OVGP1: variants seen among roughly 807,000 people sequenced by gnomAD.
OVGP1 encodes oviductal glycoprotein 1.
Under a neutral mutation model 48.2 loss-of-function variants are expected in OVGP1, and 26 were observed. The ratio of observed to expected loss-of-function variants is 0.54; its 90% CI spans 0.40 to 0.75. The LOEUF (loss-of-function observed/expected upper bound fraction) is 0.75, where lower values mean the gene tolerates loss of function less well. OVGP1 is among the 30% of genes least tolerant of loss of function. The pLI, the probability that OVGP1 is intolerant of heterozygous loss-of-function variation, is 0.00. For synonymous variants in OVGP1, 294 were observed against 305.7 expected (o/e 0.96, Z 0.40); for missense variants, 791 against 820.6 (o/e 0.96, Z 0.44).
Position 111,415,386 on chromosome 1 carries a change from C to T in OVGP1, c.1157-42G>A, listed in dbSNP as rs749731487. ...GAAAAGAATGAGATTCCTACCACTT[C>T]ATTCTCATCCTATTAATTACTGGCA... On this transcript the variant is annotated intron_variant, in intron 10 of 10. Transcript: ENST00000369732. 18 of 1,543,362 alleles carry T rather than the reference C, an allele frequency of 1.2e-5. 1 individual carries two copies. The South Asian group carries it at 1.8e-4, about 16-fold the overall frequency.
At chr1:111,419,252 A>G (rs1379739822) in intron 9 of OVGP1, among the ~76,000 whole-genome samples, 1 of 152,164 alleles carries the variant, frequency 6.6e-6, no homozygotes, top group East Asian at 1.9e-4. Context: ...GCTACATGTC[A>G]GTAATATTTA....
chr1:111,426,645 G>A lies in OVGP1; in HGVS notation c.56-4C>T, dbSNP rs1652405363. On this transcript the variant is annotated splice_region_variant and splice_polypyrimidine_tract_variant and intron_variant, in intron 2 of 10. Transcript: ENST00000369732. Reference sequence around the variant, plus strand: ...CACACGAGTTTATGGGCAGCACCTGGTAAGGGAGAGCACACATTAGTTGGC... The same window carrying A: ...CACACGAGTTTATGGGCAGCACCTGATAAGGGAGAGCACACATTAGTTGGC... The A allele has an allele frequency of 6.2e-7, 1 of 1,613,126 alleles. No homozygotes were observed. The highest frequency in any genetic ancestry group is 2.2e-5 in the East Asian group (1 of 44,800).
intron 1 of OVGP1, 31 bp downstream of exon 1, chr1:111,427,666 G>A (rs1460218967): frequency 1.2e-6 from 2 of 1,611,892 alleles, no homozygotes; most frequent in Admixed American, 1.7e-5. Flanking sequence ...TTCCTGGACT[G>A]AGTGACACTG....
In OVGP1 at chr1:111,426,449, T is replaced by C. The variant is rs1652399401; in HGVS notation, c.248A>G (p.Lys83Arg). ...DEKILYPEFNKLKERNRELKT... is the reference protein window; with the variant it reads ...DEKILYPEFNRLKERNRELKT... ...AATATGAACACACCTCTCCTTTAGT[T>C]TGTTGAACTCTGGGTAGAGAATTTT... Residue 83 changes from lysine to arginine, a missense_variant, in exon 3 of 11, where the codon AAA (lysine) becomes AGA (arginine). Coordinates refer to ENST00000369732, the MANE Select transcript of OVGP1 (RefSeq NM_002557.4). The C allele has an allele frequency of 1.9e-6, 3 of 1,614,094 alleles. No individual in the cohort carries two copies. The highest frequency in any genetic ancestry group is 2.5e-6 in the Non-Finnish European group (3 of 1,179,988).
intron 8 of OVGP1, 137 bp downstream of exon 8, chr1:111,421,139 G>A: frequency 1.6e-6 from 1 of 637,726 alleles, no homozygotes; most frequent in Non-Finnish European, 2.5e-6. Context: ...CAGAGAGTGG[G>A]TTTCTCTTGT....
chr1:111,415,429 G>A (rs1432706017), intron 10 of OVGP1, 85 bp from the exon 11 acceptor site: 1 of 1,246,190 alleles, frequency 8.0e-7, no homozygotes, highest in Non-Finnish European at 1.1e-6. Context: ...AACCAATCCA[G>A]GGCTGAAGTA....
rs139813058 is a variant in OVGP1, at chr1:111,418,988, T to C, written c.1020+622A>G. 8.4e-4 allele frequency among the ~76,000 whole-genome samples: 128 copies of C among 152,244 alleles called. 1 individual carries two copies. Among genetic ancestry groups the C allele is most frequent in the African/African-American group, 2.8e-3 (115 of 41,550 alleles). The stretch of plus-strand genomic sequence containing the variant: ...CATGAAGGGAGGGTGGTGGTCATAG[T>C]TTGGCTCTAAAAGTTTGAAAATTAA... On this transcript the variant is annotated intron_variant, in intron 9 of 10. Transcript: ENST00000369732.
intron 4 of OVGP1, among the ~76,000 whole-genome samples, chr1:111,424,076 T>C (rs545605354): frequency 6.6e-6 from 1 of 152,354 alleles, no homozygotes; most frequent in African/African-American, 2.4e-5. Flanking sequence ...CTCTCTGTGC[T>C]GTCTCCTCAT....
At chr1:111,425,600 A>G in intron 3 of OVGP1, 161 bp from the exon 4 acceptor site, 5 of 1,304,430 alleles carry the variant, frequency 3.8e-6, no homozygotes, top group Non-Finnish European at 5.3e-6. Context: ...AGAGATGATG[A>G]GCACAGGAGA....
rs1044313428 is a variant in OVGP1 at position 111,416,360 on chromosome 1, G to C, written c.1119C>G (p.Pro373=). ...RGTFCGTGPF[P]LVYVLNDILV... ...GGATATCATTCAATACGTAGACAAG[G>C]GGGAAAGGGCCAGTGCCACAGAACG... is the stretch of plus-strand genomic sequence containing the variant. Residue 373 remains proline, a synonymous_variant, in exon 10 of 11, where the codon CCC becomes CCG. Transcript: ENST00000369732. The C allele has an allele frequency of 1.9e-6, 3 of 1,605,714 alleles. No homozygotes were observed. The highest frequency in any genetic ancestry group is 1.7e-4 in the Middle Eastern group (1 of 6,048).
At position 111,426,431 on chromosome 1, in the gene OVGP1, A is replaced by G; in HGVS notation, c.260+6T>C. The G allele has an allele frequency of 6.2e-7, 1 of 1,614,082 alleles. No homozygotes were observed. Among genetic ancestry groups the G allele is most frequent in the Non-Finnish European group, 8.5e-7 (1 of 1,179,986 alleles). ...AATACAACCCCCACATCCAATATGAACACACCTCTCCTTTAGTTTGTTGAA... is the reference window on the plus strand; with the variant it reads ...AATACAACCCCCACATCCAATATGAGCACACCTCTCCTTTAGTTTGTTGAA... On this transcript the variant is annotated splice_donor_region_variant and intron_variant, in intron 3 of 10. Transcript: ENST00000369732.
At chr1:111,427,509 C>A (rs1652426680) in intron 1 of OVGP1, 188 bp downstream of exon 1, 2 of 529,268 alleles carry the variant, frequency 3.8e-6, no homozygotes, top group Non-Finnish European at 4.8e-6. Flanking sequence ...GGTTTGAGAA[C>A]CACTGCTCTG....
rs1043982103 is a variant in OVGP1, at chr1:111,415,068, G to A, written c.1433C>T (p.Thr478Ile). 1 of 1,614,186 alleles carries A rather than the reference G, an allele frequency of 6.2e-7. No individual in the cohort carries two copies. The highest frequency in any genetic ancestry group is 2.2e-5 in the East Asian group (1 of 44,876). Reference sequence around the variant, plus strand: ...GGACTGATGACCCACAGAAGTCATGGTCATTGCCCCAGTGATCTCAGTCTT... The same window carrying A: ...GGACTGATGACCCACAGAAGTCATGATCATTGCCCCAGTGATCTCAGTCTT... ...GEKTEITGAM[T>I]MTSVGHQSMT... The change falls in exon 11 of 11, where the codon ACC (threonine) becomes ATC (isoleucine). Residue 478 changes from threonine (T) to isoleucine (I), a missense_variant. Transcript: ENST00000369732.
At chr1:111,422,873 CAA>C (rs1465326716) in intron 6 of OVGP1, 52 bp downstream of exon 6, 2 of 1,607,354 alleles carry the variant, frequency 1.2e-6, no homozygotes, top group Non-Finnish European at 1.7e-6. Flanking sequence ...GTTCTGAGCT[CAA>C]GACACCTGCT....
At chr1:111,416,950 A>G (rs974051133) in intron 9 of OVGP1, among the ~76,000 whole-genome samples, 4 of 152,190 alleles carry the variant, frequency 2.6e-5, no homozygotes, top group Admixed American at 2.0e-4. Flanking sequence ...AGAAGATGAA[A>G]AAGTTCTGGA....
In OVGP1 at chr1:111,421,302, G is replaced by C. The variant is rs754771749; in HGVS notation, c.877C>G (p.Gln293Glu). The C allele has an allele frequency of 3.0e-5, 48 of 1,610,392 alleles. No homozygotes were observed. Among genetic ancestry groups the C allele is most frequent in the Middle Eastern group, 3.3e-4 (2 of 6,048 alleles). Residue 293 changes from glutamine to glutamate, a missense_variant, in exon 8 of 11, where the codon CAA becomes GAA. Physicochemically the swap from Gln to Glu is conservative, Grantham distance 29. Coordinates refer to ENST00000369732, the MANE Select transcript of OVGP1 (RefSeq NM_002557.4). ...TCAAAATAAGCCAAGAAGCCTTCTT[G>C]CTTGGTGTACTTCCCTGGAGATGCT... ...GPASPGKYTK[Q>E]EGFLAYFEIC...
At chr1:111,424,989 C>A (rs540433583) in intron 4 of OVGP1, among the ~76,000 whole-genome samples, 1 of 152,196 alleles carries the variant, frequency 6.6e-6, no homozygotes, top group East Asian at 1.9e-4. Context: ...CTGTTCCAAC[C>A]CTTTGAGGTT....
chr1:111,425,321 C>G (rs1311399177), intron 4 of OVGP1, 62 bp downstream of exon 4: 1 of 1,602,580 alleles, frequency 6.2e-7, no homozygotes, highest in African/African-American at 1.3e-5. Flanking sequence ...CCCCCTCTGT[C>G]TTCACGTCTA....
At chr1:111,415,492 C>T (rs1005978350) in intron 10 of OVGP1, 148 bp from the exon 11 acceptor site, 1 of 710,994 alleles carries the variant, frequency 1.4e-6, no homozygotes, top group South Asian at 2.0e-5. Context: ...TACTTGAGGA[C>T]ATAGATGAAA....
Sources: allele counts gnomAD v4.1 joint callset (sites outside exome capture counted in the v4.1 genomes callset), GRCh38; gene constraint gnomAD v4.1.1; transcripts MANE v1.5; gene names NCBI Gene and HGNC (gene_info 2026-07-23, HGNC 2026-07-21).